ZNF69: variants seen among roughly 807,000 people sequenced by gnomAD.
ZNF69 encodes the protein zinc finger protein 69.
ZNF69 carries 47 observed loss-of-function variants against 50.9 expected under a neutral mutation model. The ratio of observed to expected loss-of-function variants is 0.92; its 90% CI spans 0.73 to 1.18. The LOEUF (loss-of-function observed/expected upper bound fraction) is 1.18. Ranked by LOEUF, ZNF69 falls within the 50% of genes most tolerant of loss-of-function variation. The pLI is 0.00. For synonymous variants in ZNF69, 216 were observed against 223.1 expected (o/e 0.97, Z 0.29); for missense variants, 717 against 675.1 (o/e 1.06, Z -0.69).
chr19:11,948,591 T>A, the ZNF69 span: 5 of 1,607,696 alleles, frequency 3.1e-6, no homozygotes, highest in Non-Finnish European at 4.2e-6. Context: ...GGGATCACAC[T>A]GGAGAGAAAC....
chr19:11,927,774 A>G, the ZNF69 span, among the ~76,000 whole-genome samples: 1 of 152,178 alleles, frequency 6.6e-6, no homozygotes, highest in Admixed American at 6.5e-5. Flanking sequence ...GAGTGTAAGG[A>G]TACTTGCAGG....
the ZNF69 span, among the ~76,000 whole-genome samples, chr19:11,940,592 A>G: frequency 6.6e-6 from 1 of 152,168 alleles, no homozygotes; most frequent in African/African-American, 2.4e-5. Flanking sequence ...TCATAAAAGC[A>G]GCGTGGACCC....
intron 1 of ZNF69, among the ~76,000 whole-genome samples, chr19:11,901,144 G>A (rs28669313): frequency 0.098 from 14,891 of 151,888 alleles, 1,547 homozygotes; most frequent in African/African-American, 0.26. Context: ...TGAACTGAGG[G>A]GCTCAAATGA....
intron 1 of ZNF69, among the ~76,000 whole-genome samples, chr19:11,899,406 T>C (rs1414757394): frequency 6.6e-6 from 1 of 152,160 alleles, no homozygotes; most frequent in African/African-American, 2.4e-5. Flanking sequence ...TGGATTCCAC[T>C]TGTGAGCCAC....
chr19:11,950,021 A>G, the ZNF69 span: 2 of 1,614,128 alleles, frequency 1.2e-6, no homozygotes, highest in Middle Eastern at 1.6e-4. Flanking sequence ...TTTCAAATAC[A>G]TGAAAGGAAG....
chr19:11,901,440 T>C (rs1293447168), intron 1 of ZNF69, among the ~76,000 whole-genome samples: 4 of 152,140 alleles, frequency 2.6e-5, no homozygotes, highest in Non-Finnish European at 5.9e-5. Context: ...AGGCATAAAT[T>C]GGTTAAGGCT....
intron 1 of ZNF69, among the ~76,000 whole-genome samples, chr19:11,889,018 G>T (rs144740256): frequency 0.012 from 1,868 of 152,196 alleles, 19 homozygotes; most frequent in South Asian, 0.025. Context: ...CTGTGGAAGG[G>T]GGGTTAGAAG....
downstream of ZNF69, among the ~76,000 whole-genome samples, chr19:11,917,992 T>C (rs1225270488): frequency 6.6e-6 from 1 of 151,920 alleles, no homozygotes; most frequent in African/African-American, 2.4e-5. Context: ...CACCATGTTG[T>C]CCAGGCTGGT....
chr19:11,909,226 T>G (rs1972422801), downstream of ZNF69, among the ~76,000 whole-genome samples: 2 of 152,178 alleles, frequency 1.3e-5, no homozygotes, highest in African/African-American at 4.8e-5. Flanking sequence ...GATTCACAGC[T>G]GAATTCTACC....
At chr19:11,972,681 C>T in the ZNF69 span, among the ~76,000 whole-genome samples, 1 of 152,116 alleles carries the variant, frequency 6.6e-6, no homozygotes, top group African/African-American at 2.4e-5. Context: ...AGTTAATTCA[C>T]TTTCTTATTT....
the ZNF69 span, among the ~76,000 whole-genome samples, chr19:11,922,125 G>GAA: frequency 7.1e-6 from 1 of 140,570 alleles, no homozygotes. Context: ...AATGTTGAAG[G>GAA]AAAAAAAAAA....
the ZNF69 span, among the ~76,000 whole-genome samples, chr19:11,954,977 T>C: frequency 3.3e-5 from 5 of 150,244 alleles, no homozygotes; most frequent in Admixed American, 2.7e-4. Context: ...TTGTCTTATA[T>C]AGAGTTTGTT....
chr19:11,959,642 C>A, the ZNF69 span, among the ~76,000 whole-genome samples: 2 of 152,110 alleles, frequency 1.3e-5, no homozygotes, highest in African/African-American at 4.8e-5. Context: ...TCTCTTATTT[C>A]GCTGCTTAAT....
chr19:11,935,169 C>G, the ZNF69 span, among the ~76,000 whole-genome samples: 5 of 136,110 alleles, frequency 3.7e-5, no homozygotes, highest in African/African-American at 1.2e-4. Context: ...GAGCGAGACT[C>G]CGTCTCAAAA....
downstream of ZNF69, among the ~76,000 whole-genome samples, chr19:11,910,392 C>G (rs143681295): frequency 1.1e-3 from 168 of 152,150 alleles, 1 homozygote; most frequent in African/African-American, 2.7e-3. Flanking sequence ...GAACAAAGCT[C>G]AAGGCATTAG....
the ZNF69 span, among the ~76,000 whole-genome samples, chr19:11,967,038 A>C: frequency 3.3e-5 from 5 of 152,168 alleles, no homozygotes; most frequent in East Asian, 9.7e-4. Flanking sequence ...TAGAGAGTTT[A>C]TTGAAAGCTA....
chr19:11,898,959 TA>T (rs1488767803), intron 1 of ZNF69, among the ~76,000 whole-genome samples: 1 of 152,248 alleles, frequency 6.6e-6, no homozygotes, highest in Non-Finnish European at 1.5e-5. Flanking sequence ...TATTATTACC[TA>T]AAGTCCATCT....
chr19:11,939,962 T>TTG, the ZNF69 span: 1 of 152,068 alleles, frequency 6.6e-6, no homozygotes, highest in African/African-American at 2.4e-5. Flanking sequence ...CTTTTTTTTT[T>TTG]TTTTGAGACA....
chr19:11,974,101 CTTTCTTTCTTTCT>C, the ZNF69 span, among the ~76,000 whole-genome samples: 1 of 95,070 alleles, frequency 1.1e-5, no homozygotes, highest in Non-Finnish European at 2.1e-5. Flanking sequence ...TTCTTTCTTT[CTTTCTTTCTTTCT>C]TTCTTTCTTT....
Sources: allele counts gnomAD v4.1 joint callset (sites outside exome capture counted in the v4.1 genomes callset), GRCh38; gene constraint gnomAD v4.1.1; transcripts MANE v1.5; gene names NCBI Gene and HGNC (gene_info 2026-07-23, HGNC 2026-07-21).